NRP2: variants seen among roughly 807,000 people sequenced by gnomAD.
NRP2 encodes neuropilin-2.
Under a neutral mutation model 110.4 loss-of-function variants are expected in NRP2, and 52 were observed. The observed-to-expected ratio is 0.47, with a 90% CI of 0.38 to 0.59. NRP2 has a LOEUF of 0.59. Ranked by LOEUF, NRP2 falls within the 20% of genes least tolerant of loss-of-function variation. The pLI is 0.00. For synonymous variants in NRP2, 508 were observed against 468.9 expected, an observed-to-expected ratio of 1.08 and a Z score of -1.08; for missense variants, 1,049 against 1,203.0, an observed-to-expected ratio of 0.87 and a Z score of 1.89.
chr2:205,767,399 G>C (rs1174250578), intron 15 of NRP2: 4 of 516,738 alleles, frequency 7.7e-6, no homozygotes, highest in African/African-American at 3.9e-5. Context: ...TCAGGAGAAA[G>C]AGTTGCCACA....
At chr2:205,726,733 T>G (rs780590984) in intron 6 of NRP2, among the ~76,000 whole-genome samples, 1 of 152,200 alleles carries the variant, frequency 6.6e-6, no homozygotes, top group Non-Finnish European at 1.5e-5. Context: ...GAAAGCAAGC[T>G]ACTAGTTCCA....
At chr2:205,719,903 T>C (rs999150058) in intron 3 of NRP2, among the ~76,000 whole-genome samples, 15 of 152,224 alleles carry the variant, frequency 9.9e-5, no homozygotes, top group African/African-American at 3.4e-4. Context: ...CCCCAGCTTC[T>C]GTAGACAATC....
At chr2:205,758,280 T>C (rs937075291) in intron 12 of NRP2, among the ~76,000 whole-genome samples, 1 of 152,138 alleles carries the variant, frequency 6.6e-6, no homozygotes, top group South Asian at 2.1e-4. Context: ...CAGATGGTCG[T>C]TCTAGTAGGA....
chr2:205,794,402 G>A (rs375407119), intron 16 of NRP2, among the ~76,000 whole-genome samples: 3 of 152,152 alleles, frequency 2.0e-5, no homozygotes, highest in Non-Finnish European at 4.4e-5. Flanking sequence ...GAGCCACCGC[G>A]CCCGGCCTCA....
At chr2:205,696,216 C>A (rs1182072887) in intron 1 of NRP2, among the ~76,000 whole-genome samples, 1 of 152,148 alleles carries the variant, frequency 6.6e-6, no homozygotes, top group Non-Finnish European at 1.5e-5. Context: ...AAGCAGAGGT[C>A]TGGGAGATAG....
At chr2:205,698,565 A>G (rs1161564722) in intron 2 of NRP2, among the ~76,000 whole-genome samples, 1 of 152,166 alleles carries the variant, frequency 6.6e-6, no homozygotes, top group East Asian at 1.9e-4. Flanking sequence ...TAGAAATGCC[A>G]TGTTACTACC....
At chr2:205,702,583 C>T (rs2056583359) in intron 2 of NRP2, among the ~76,000 whole-genome samples, 1 of 152,198 alleles carries the variant, frequency 6.6e-6, no homozygotes, top group Non-Finnish European at 1.5e-5. Context: ...TATTTACAGC[C>T]AGAGGGGCCC....
At chr2:205,749,889 T>A in intron 11 of NRP2, 48 bp downstream of exon 11, 3 of 1,442,444 alleles carry the variant, frequency 2.1e-6, no homozygotes, top group South Asian at 1.1e-5. Context: ...CTAGTCAGAG[T>A]GGGAGCTGGC....
In NRP2 at chr2:205,763,529, G is replaced by A. The variant is rs1250210039; in HGVS notation, c.2045-145G>A. 8 of 1,079,190 alleles carry A rather than the reference G, an allele frequency of 7.4e-6. No homozygotes were observed. The highest frequency in any genetic ancestry group is 1.1e-5 in the Non-Finnish European group (8 of 704,134). The allele number at this position is 1,079,190 out of a possible 1,614,324, so 66.9% of individuals were successfully genotyped here. On this transcript the variant is annotated intron_variant, in intron 12 of 16. Transcript: ENST00000357785. This position sits in a 1 kb window ranked among gnomAD's most constrained non-coding sequence, Gnocchi z 4.0. Reference sequence around the variant, plus strand: ...GGCTCTGAAGGAGCCTTAAGAAAGGGTCACAGAGCCTGGAGAACAAGGACA... The same window carrying A: ...GGCTCTGAAGGAGCCTTAAGAAAGGATCACAGAGCCTGGAGAACAAGGACA...
Position 205,749,828 on chromosome 2 carries a change from C to A in NRP2, c.1890C>A (p.Cys630Ter). ...AGGCCACAGAGTGTGGGGAGAACTG[C>A]AGCTTTGAGGATGGTAAGCACAAAT... is the stretch of plus-strand genomic sequence containing the variant. ...EEEATECGEN[C>*]SFEDDKDLQL... Residue 630 changes from cysteine to a stop codon, truncating the protein, a stop_gained, in exon 11 of 17, where the codon TGC becomes TGA. Transcript: ENST00000357785. LOFTEE classifies it high-confidence loss of function. 6.2e-7 allele frequency: 1 copy of A among 1,613,612 alleles called. No individual in the cohort carries two copies. The highest frequency in any genetic ancestry group is 8.5e-7 in the Non-Finnish European group (1 of 1,179,588).
At chr2:205,717,452 A>G (rs1575579906) in intron 3 of NRP2, among the ~76,000 whole-genome samples, 2 of 152,380 alleles carry the variant, frequency 1.3e-5, no homozygotes, top group Middle Eastern at 3.4e-3. Flanking sequence ...AGGAAGTGGT[A>G]GCTGCTGAAA....
chr2:205,755,587 G>A (rs1477785080), intron 12 of NRP2, among the ~76,000 whole-genome samples: 3 of 150,288 alleles, frequency 2.0e-5, no homozygotes, highest in African/African-American at 7.3e-5. Context: ...TGTTCAGGGT[G>A]GTCCTTACTT....
intron 15 of NRP2, among the ~76,000 whole-genome samples, chr2:205,784,364 C>T (rs558130297): frequency 6.6e-6 from 1 of 152,208 alleles, no homozygotes; most frequent in African/African-American, 2.4e-5. Flanking sequence ...TTTGTGTTTT[C>T]TTGCTGCCAC....
At position 205,777,060 on chromosome 2, in the gene NRP2, T is replaced by C. The variant is rs546845958; in HGVS notation, c.2425+10257T>C. Reference sequence around the variant, plus strand: ...TCAGAGAGGGCCCCTTTAACTCTTATGTTACTTCTCCTGGGGTACATTTTA... The same window carrying C: ...TCAGAGAGGGCCCCTTTAACTCTTACGTTACTTCTCCTGGGGTACATTTTA... On this transcript the variant is annotated intron_variant, in intron 15 of 16. Coordinates refer to ENST00000357785, the MANE Select transcript of NRP2 (RefSeq NM_003872.3). The C allele has an allele frequency of 2.6e-5, 26 of 999,090 alleles. No individual in the cohort carries two copies. The Admixed American group carries it at 7.0e-4, about 27-fold the overall frequency. The allele number at this position is 999,090 out of a possible 1,614,324, so 61.9% of individuals were successfully genotyped here.
chr2:205,750,338 C>T (rs924019342), intron 11 of NRP2, among the ~76,000 whole-genome samples: 5 of 152,246 alleles, frequency 3.3e-5, no homozygotes, highest in East Asian at 1.9e-4. Flanking sequence ...TGTCTTTCAC[C>T]GCCACCAATT....
chr2:205,742,930 C>T (rs547016113), intron 8 of NRP2, among the ~76,000 whole-genome samples: 2 of 152,318 alleles, frequency 1.3e-5, no homozygotes, highest in African/African-American at 2.4e-5. Flanking sequence ...TATTAGCTCC[C>T]CTTTAGATCT....
chr2:205,716,410 C>T (rs768418889), intron 3 of NRP2, 36 bp downstream of exon 3: 3 of 1,608,246 alleles, frequency 1.9e-6, no homozygotes, highest in African/African-American at 1.3e-5. Context: ...GGGAGATGGG[C>T]GTCTTAGAGA....
chr2:205,702,960 TG>T (rs559636286), intron 2 of NRP2, among the ~76,000 whole-genome samples: 16 of 152,338 alleles, frequency 1.1e-4, no homozygotes, highest in African/African-American at 3.8e-4. Context: ...CACTTGATGT[TG>T]CCTGAGTCCC....
At chr2:205,684,158 G>C (rs906843705) in intron 1 of NRP2, among the ~76,000 whole-genome samples, 4 of 152,330 alleles carry the variant, frequency 2.6e-5, no homozygotes, top group Admixed American at 2.6e-4. Context: ...CTGCTGTGGA[G>C]ATAAGCATTT....
Sources: allele counts gnomAD v4.1 joint callset (sites outside exome capture counted in the v4.1 genomes callset), GRCh38; gene constraint gnomAD v4.1.1; non-coding constraint Gnocchi (gnomAD v3.1); transcripts MANE v1.5; gene names NCBI Gene and HGNC (gene_info 2026-07-23, HGNC 2026-07-21).